TMEM131L: variants seen among roughly 807,000 people sequenced by gnomAD.
TMEM131L encodes transmembrane protein 131-like.
In TMEM131L, 54 loss-of-function variants were observed where a neutral mutation model predicts 192.2. The ratio of observed to expected loss-of-function variants is 0.28; its 90% confidence interval spans 0.23 to 0.35. TMEM131L has a LOEUF of 0.35. Ranked by LOEUF, TMEM131L falls within the 10% of genes least tolerant of loss-of-function variation. The probability of loss-of-function intolerance (pLI) is 1.00; values close to 1 mark genes in which losing one functional copy is unlikely to be tolerated. For missense variants in TMEM131L, 1,888 were observed against 1,972.9 expected, an observed-to-expected ratio of 0.96 and a Z score of 0.82; for synonymous variants, 701 against 704.9, an observed-to-expected ratio of 0.99 and a Z score of 0.09.
At chr4:153,633,822 G>A (rs1021251423) in intron 32 of TMEM131L, among the ~76,000 whole-genome samples, 1 of 152,184 alleles carries the variant, frequency 6.6e-6, no homozygotes, top group Admixed American at 6.5e-5. Flanking sequence ...GTCTTGCTCT[G>A]AGTGGACGTT....
intron 7 of TMEM131L, among the ~76,000 whole-genome samples, chr4:153,563,416 A>G (rs556763372): frequency 1.3e-5 from 2 of 150,180 alleles, no homozygotes; most frequent in South Asian, 4.2e-4. Flanking sequence ...GCAAAATTCA[A>G]TCATGAGAAA....
At chr4:153,609,151 AT>A (rs1201430613) in intron 25 of TMEM131L, among the ~76,000 whole-genome samples, 1 of 152,212 alleles carries the variant, frequency 6.6e-6, no homozygotes, top group Non-Finnish European at 1.5e-5. Context: ...TGGATAATTT[AT>A]AAAGAGGTTT....
chr4:153,621,169 G>A (rs1733374023), intron 27 of TMEM131L, among the ~76,000 whole-genome samples: 1 of 152,208 alleles, frequency 6.6e-6, no homozygotes, highest in Non-Finnish European at 1.5e-5. Context: ...TCCGTGTGGA[G>A]ACCTTCATTC....
intron 3 of TMEM131L, among the ~76,000 whole-genome samples, chr4:153,516,702 T>C (rs1734755978): frequency 6.6e-6 from 1 of 152,204 alleles, no homozygotes; most frequent in Non-Finnish European, 1.5e-5. Context: ...TATTCTGTAC[T>C]TGCCCTCCAG....
intron 3 of TMEM131L, among the ~76,000 whole-genome samples, chr4:153,533,689 TCCA>T (rs1736094406): frequency 6.6e-6 from 1 of 152,200 alleles, no homozygotes; most frequent in African/African-American, 2.4e-5. Context: ...TTGAGCATGA[TCCA>T]CCTGATCAGG....
At chr4:153,629,952 T>C (rs1561260878) in intron 31 of TMEM131L, among the ~76,000 whole-genome samples, 1 of 152,230 alleles carries the variant, frequency 6.6e-6, no homozygotes, top group East Asian at 1.9e-4. Flanking sequence ...CAAATGTATA[T>C]GCAGGAGACA....
In TMEM131L at chr4:153,591,151, G is replaced by A. The variant is rs1731039253; in HGVS notation, c.1769G>A (p.Gly590Asp). Residue 590 changes from glycine to aspartate, a missense_variant, in exon 17 of 35, where the codon GGC (glycine) becomes GAC (aspartate). Coordinates refer to ENST00000409959, the MANE Select transcript of TMEM131L (RefSeq NM_001131007.2). ...TTGCCTCGTTTGATCGCAGAGCCTG[G>A]CCTCATGTTAAACTTCAGCGCAACT... ...FFLPRLIAEP[G>D]LMLNFSATAL... The A allele has an allele frequency of 1.2e-6, 2 of 1,610,474 alleles. No homozygotes were observed. Among genetic ancestry groups the A allele is most frequent in the Non-Finnish European group, 1.7e-6 (2 of 1,177,900 alleles).
At chr4:153,604,527 G>T in intron 25 of TMEM131L, 97 bp downstream of exon 25, 2 of 1,224,896 alleles carry the variant, frequency 1.6e-6, no homozygotes, top group Non-Finnish European at 2.3e-6. Context: ...TTTAATTGTG[G>T]ATGCTGAGTT....
intron 3 of TMEM131L, among the ~76,000 whole-genome samples, chr4:153,493,423 G>A (rs1732941847): frequency 6.6e-6 from 1 of 151,424 alleles, no homozygotes; most frequent in Admixed American, 6.6e-5. Context: ...CACTTTGGGA[G>A]GCCAAGGCGG....
intron 3 of TMEM131L, among the ~76,000 whole-genome samples, chr4:153,508,297 TAAA>T (rs765921200): frequency 2.2e-4 from 33 of 152,326 alleles, no homozygotes; most frequent in Middle Eastern, 3.4e-3. Flanking sequence ...TTTATAGTCT[TAAA>T]AAAGATTGCT....
intron 18 of TMEM131L, among the ~76,000 whole-genome samples, 155 bp downstream of exon 18, chr4:153,592,739 G>A (rs1281703214): frequency 1.3e-5 from 2 of 152,224 alleles, no homozygotes; most frequent in East Asian, 3.9e-4. Context: ...CTGCCCCTTG[G>A]TGCATGTGAT....
At chr4:153,534,734 G>A (rs1479776939) in intron 3 of TMEM131L, among the ~76,000 whole-genome samples, 1 of 152,168 alleles carries the variant, frequency 6.6e-6, no homozygotes, top group Non-Finnish European at 1.5e-5. Flanking sequence ...CGCCTGGCCA[G>A]GAGTTGGAGG....
Position 153,603,861 on chromosome 4 carries a change from A to G in TMEM131L, c.2849A>G (p.Asn950Ser). ...CCCTCTGATAAAGGCAGGGGGAAGA[A>G]CTGCCTTCCAGTGAACACTCCCCAA... Reference protein sequence around the residue: ...YGPSDKGRGKNCLPVNTPQSR... With the variant: ...YGPSDKGRGKSCLPVNTPQSR... The change falls in exon 25 of 35, where the codon AAC becomes AGC. Residue 950 changes from asparagine (N) to serine (S), a missense_variant. Coordinates refer to ENST00000409959, the MANE Select transcript of TMEM131L (RefSeq NM_001131007.2). 1 of 1,613,092 alleles carries G rather than the reference A, an allele frequency of 6.2e-7. No homozygotes were observed. Among genetic ancestry groups the G allele is most frequent in the Non-Finnish European group, 8.5e-7 (1 of 1,179,586 alleles).
chr4:153,471,001 T>G (rs1731119507), intron 2 of TMEM131L, among the ~76,000 whole-genome samples: 1 of 151,868 alleles, frequency 6.6e-6, no homozygotes, highest in Non-Finnish European at 1.5e-5. Context: ...TCTTTTTTTT[T>G]TTTGAGACTG....
At chr4:153,489,490 T>C (rs1732612645) in intron 3 of TMEM131L, among the ~76,000 whole-genome samples, 1 of 152,208 alleles carries the variant, frequency 6.6e-6, no homozygotes, top group Admixed American at 6.5e-5. Context: ...GAAGTATTTT[T>C]TTCTTGAGAC....
At position 153,557,055 on chromosome 4, in the gene TMEM131L, C is replaced by G. The variant is rs1466695449; in HGVS notation, c.522C>G (p.Thr174=). The G allele has an allele frequency of 1.9e-6, 3 of 1,542,146 alleles. No individual in the cohort carries two copies. Among genetic ancestry groups the G allele is most frequent in the Non-Finnish European group, 2.7e-6 (3 of 1,117,220 alleles). ...GSIESSLFIN[T]SSYGVLSYHV... ...TTGAAAGTTCCTTATTTATTAATAC[C>G]TCTTCGTATGGAGTCCTTTCCTATC... The change falls in exon 6 of 35, where the codon ACC becomes ACG. Residue 174 remains threonine (T), a synonymous_variant. Coordinates refer to ENST00000409959, the MANE Select transcript of TMEM131L (RefSeq NM_001131007.2).
chr4:153,599,266 G>C (rs11943070), intron 21 of TMEM131L, among the ~76,000 whole-genome samples: 2 of 152,058 alleles, frequency 1.3e-5, no homozygotes, highest in African/African-American at 2.4e-5. Context: ...CACTATCACA[G>C]TGACAGCATT....
At position 153,558,615 on chromosome 4, in the gene TMEM131L, C is replaced by T. The variant is rs1728641796; in HGVS notation, c.660+247C>T. ...TGTTTCCTGTTTTTCACTGTTATTA[C>T]CGTTAGGCCATATACCTATTTTATA... On this transcript the variant is annotated intron_variant, in intron 7 of 34. Transcript: ENST00000409959. The T allele has an allele frequency of 1.1e-5, 3 of 280,356 alleles. No individual in the cohort carries two copies. The East Asian group carries it at 1.8e-4, about 17-fold the overall frequency. The allele number at this position is 280,356 out of a possible 1,614,324, so 17.4% of individuals were successfully genotyped here. A position where few individuals can be genotyped will look rare whatever the true frequency, so the allele number is the denominator to read the frequency against.
At chr4:153,506,087 G>A (rs564454554) in intron 3 of TMEM131L, among the ~76,000 whole-genome samples, 1 of 152,294 alleles carries the variant, frequency 6.6e-6, no homozygotes, top group South Asian at 2.1e-4. Flanking sequence ...AAAAACAATA[G>A]TAGAGTCGAA....
Sources: gnomAD v4.1 joint callset for allele counts (sites outside exome capture counted in the v4.1 genomes callset) on GRCh38, gnomAD v4.1.1 for gene constraint, MANE v1.5 for transcripts, NCBI Gene and HGNC (gene_info 2026-07-23, HGNC 2026-07-21) for gene names.